The following EPHB1 variants were observed in gnomAD, a reference collection of about 807,000 sequenced individuals.
EPHB1 encodes the protein EPH receptor B1, also known as ephrin type-B receptor 1.
A neutral mutation model predicts 94.4 loss-of-function variants in EPHB1; 30 were observed. That is an observed-to-expected ratio of 0.32 (90% CI 0.24 to 0.43). The LOEUF (loss-of-function observed/expected upper bound fraction) is 0.43. EPHB1 is among the 20% of genes least tolerant of loss of function. The probability of loss-of-function intolerance (pLI) is 1.00; values close to 1 mark genes in which losing one functional copy is unlikely to be tolerated. For missense variants in EPHB1, 1,055 were observed against 1,308.3 expected (o/e 0.81, Z 2.99); for synonymous variants, 522 against 489.1 (o/e 1.07, Z -0.89).
In EPHB1 at chr3:135,249,613, C is replaced by A. The variant is rs535295362; in HGVS notation, c.2846+122C>A. Reference sequence around the variant, plus strand: ...CCTGGAGCTCCGTCTCTGTATAGACCAGGCCTGGATGGGGAGCACCTTGGA... The same window carrying A: ...CCTGGAGCTCCGTCTCTGTATAGACAAGGCCTGGATGGGGAGCACCTTGGA... On this transcript the variant is annotated intron_variant, in intron 15 of 15. Transcript: ENST00000398015. The A allele has an allele frequency of 8.3e-5, 96 of 1,155,846 alleles. 1 individual carries two copies. In the African/African-American group the frequency reaches 1.2e-3, roughly 14 times the overall value. The allele number at this position is 1,155,846 out of a possible 1,614,324, so 71.6% of individuals were successfully genotyped here. A position where few individuals can be genotyped will look rare whatever the true frequency, so the allele number is the denominator to read the frequency against.
At chr3:135,111,054 C>T (rs1939422616) in intron 4 of EPHB1, among the ~76,000 whole-genome samples, 2 of 152,156 alleles carry the variant, frequency 1.3e-5, no homozygotes, top group South Asian at 2.1e-4. Flanking sequence ...ACGTCCTCTG[C>T]AGGTGGCCTC....
At chr3:134,988,637 A>T (rs1195205690) in intron 3 of EPHB1, among the ~76,000 whole-genome samples, 2 of 152,150 alleles carry the variant, frequency 1.3e-5, no homozygotes, top group Non-Finnish European at 2.9e-5. Flanking sequence ...CCCATGAGAG[A>T]TACATGGTAC....
At chr3:135,065,851 A>C (rs1464184913) in intron 3 of EPHB1, among the ~76,000 whole-genome samples, 1 of 152,178 alleles carries the variant, frequency 6.6e-6, no homozygotes, top group East Asian at 1.9e-4. Flanking sequence ...ATTTGTTTCA[A>C]GATTTAGAGC....
At position 134,993,165 on chromosome 3, in the gene EPHB1, T is replaced by C. The variant is rs566513679; in HGVS notation, c.805+41113T>C. ...TTGCTAGTCTGCAGTTCTTGCTCTG[T>C]CTGTTTCTAAGCCAAAACAGCACAG... On this transcript the variant is annotated intron_variant, in intron 3 of 15. Coordinates refer to ENST00000398015, the MANE Select transcript of EPHB1 (RefSeq NM_004441.5). Among the ~76,000 whole-genome samples, 47 of 152,304 alleles carry C rather than the reference T, an allele frequency of 3.1e-4. 1 individual carries two copies. Among genetic ancestry groups the C allele is most frequent in the African/African-American group, 1.0e-3 (43 of 41,586 alleles).
At chr3:134,965,808 C>G (rs528233381) in intron 3 of EPHB1, among the ~76,000 whole-genome samples, 10 of 152,170 alleles carry the variant, frequency 6.6e-5, no homozygotes, top group African/African-American at 2.2e-4. Flanking sequence ...ATTGACTACT[C>G]AGAGAGCTCA....
At chr3:135,178,508 GTC>G (rs1323809969) in intron 9 of EPHB1, among the ~76,000 whole-genome samples, 1 of 150,808 alleles carries the variant, frequency 6.6e-6, no homozygotes, top group Non-Finnish European at 1.5e-5. Flanking sequence ...TGTATCTTCT[GTC>G]TTCCTTTGGA....
chr3:135,067,214 A>G (rs1266845829), intron 3 of EPHB1, among the ~76,000 whole-genome samples: 1 of 152,140 alleles, frequency 6.6e-6, no homozygotes, highest in Non-Finnish European at 1.5e-5. Context: ...CTGTGGTAGT[A>G]TGGAGAGGCA....
chr3:135,177,089 G>A lies in EPHB1; in HGVS notation c.1760-2771G>A, dbSNP rs868274515. On this transcript the variant is annotated intron_variant, in intron 9 of 15. Transcript: ENST00000398015. ...GTACATCAGGCACTGTGCTAGGTAT[G>A]TCGTCAGCAATATGTTCTTTAATCT... Among the ~76,000 whole-genome samples the A allele has an allele frequency of 2.0e-5, 3 of 152,166 alleles. No individual in the cohort carries two copies. In the South Asian group the frequency reaches 6.2e-4, roughly 32 times the overall value.
chr3:134,914,389 C>T (rs2038520208), intron 1 of EPHB1, among the ~76,000 whole-genome samples: 2 of 152,202 alleles, frequency 1.3e-5, no homozygotes, highest in Admixed American at 1.3e-4. Flanking sequence ...CATTATTACC[C>T]TCATTTAGTG....
Position 135,166,072 on chromosome 3 carries a change from A to T in EPHB1, c.1690A>T (p.Ser564Cys). The change falls in exon 8 of 16, where the codon AGC becomes TGC. Residue 564 changes from serine (S) to cysteine (C), a missense_variant. Transcript: ENST00000398015. ...CTTGGTGGCCATCTCTATCGTCTGT[A>T]GCAGGTAGGTCCTCCACTCTCACTT... is the stretch of plus-strand genomic sequence containing the variant. ...VSLVAISIVC[S>C]RKRAYSKEAV... is the part of the protein sequence containing the mutation. 3.1e-6 allele frequency: 5 copies of T among 1,613,122 alleles called. No homozygotes were observed. Among genetic ancestry groups the T allele is most frequent in the Non-Finnish European group, 4.2e-6 (5 of 1,179,204 alleles).
intron 3 of EPHB1, among the ~76,000 whole-genome samples, chr3:135,002,505 A>G (rs1345155441): frequency 6.6e-6 from 1 of 151,738 alleles, no homozygotes; most frequent in Non-Finnish European, 1.5e-5. Context: ...CTCTTTTTCT[A>G]TTGATTGGAA....
chr3:134,856,985 A>T (rs1366296553), intron 1 of EPHB1, among the ~76,000 whole-genome samples: 1 of 152,270 alleles, frequency 6.6e-6, no homozygotes, highest in Non-Finnish European at 1.5e-5. Flanking sequence ...CATAAAATGC[A>T]TCTAAAGAAG....
intron 3 of EPHB1, among the ~76,000 whole-genome samples, chr3:135,053,545 C>A (rs1018013018): frequency 6.6e-6 from 1 of 152,098 alleles, no homozygotes; most frequent in African/African-American, 2.4e-5. Context: ...GAGATGAGGT[C>A]TTTGAGGGGA....
At chr3:135,038,635 G>A (rs867853027) in intron 3 of EPHB1, among the ~76,000 whole-genome samples, 6 of 152,060 alleles carry the variant, frequency 3.9e-5, no homozygotes, top group South Asian at 4.2e-4. Context: ...TTAAGGTGGC[G>A]CGTCTGGAGT....
chr3:134,998,829 T>G (rs1010537742), intron 3 of EPHB1, among the ~76,000 whole-genome samples: 3 of 152,132 alleles, frequency 2.0e-5, no homozygotes, highest in Non-Finnish European at 4.4e-5. Context: ...TTTTTAAAAT[T>G]TATACTGGGA....
At chr3:135,081,919 A>G (rs1226796068) in intron 3 of EPHB1, among the ~76,000 whole-genome samples, 1 of 151,990 alleles carries the variant, frequency 6.6e-6, no homozygotes, top group African/African-American at 2.4e-5. Context: ...TCTGCAGGGA[A>G]AGAGGAGAAG....
chr3:134,964,213 C>T (rs377533082), intron 3 of EPHB1, among the ~76,000 whole-genome samples: 18 of 152,192 alleles, frequency 1.2e-4, no homozygotes, highest in South Asian at 4.1e-4. Flanking sequence ...GAGGGACCTC[C>T]GAAGAAACTG....
intron 12 of EPHB1, among the ~76,000 whole-genome samples, chr3:135,230,173 G>GAGAT (rs941759972): frequency 6.6e-6 from 1 of 152,292 alleles, no homozygotes; most frequent in South Asian, 2.1e-4. Flanking sequence ...AACAGAAGGG[G>GAGAT]AGATAGTGGG....
At chr3:135,116,853 A>C (rs546855946) in intron 4 of EPHB1, among the ~76,000 whole-genome samples, 1 of 152,216 alleles carries the variant, frequency 6.6e-6, no homozygotes, top group Non-Finnish European at 1.5e-5. Context: ...TCCAGCTGCC[A>C]TATTGGAAAT....
Sources: gnomAD v4.1 joint callset for allele counts (sites outside exome capture counted in the v4.1 genomes callset) on GRCh38, gnomAD v4.1.1 for gene constraint, MANE v1.5 for transcripts, NCBI Gene and HGNC (gene_info 2026-07-23, HGNC 2026-07-21) for gene names.